UST: variants seen among roughly 807,000 people sequenced by gnomAD.
The protein encoded by UST is uronyl 2-sulfotransferase.
UST carries 21 observed loss-of-function variants against 45.6 expected under a neutral mutation model. The ratio of observed to expected loss-of-function variants is 0.46; its 90% CI spans 0.33 to 0.66. The LOEUF (loss-of-function observed/expected upper bound fraction) is 0.66, where lower values mean the gene tolerates loss of function less well. UST is among the 30% of genes least tolerant of loss of function. The probability of loss-of-function intolerance (pLI) is 0.02; values close to 1 mark genes in which losing one functional copy is unlikely to be tolerated. For synonymous variants in UST, 215 were observed against 200.6 expected (o/e 1.07, Z -0.61); for missense variants, 463 against 512.4 (o/e 0.90, Z 0.93).
chr6:148,932,060 C>T (rs762086051), intron 2 of UST, among the ~76,000 whole-genome samples: 8 of 152,150 alleles, frequency 5.3e-5, no homozygotes, highest in Non-Finnish European at 1.0e-4. Context: ...TCCTATGGAC[C>T]CAACTGCAGT....
At chr6:148,981,873 T>C (rs2114981236) in intron 5 of UST, among the ~76,000 whole-genome samples, 1 of 152,304 alleles carries the variant, frequency 6.6e-6, no homozygotes, top group South Asian at 2.1e-4. Context: ...TATCTGTTTG[T>C]GCTGCTGTAA....
intron 2 of UST, among the ~76,000 whole-genome samples, chr6:148,918,665 G>C (rs982208142): frequency 5.3e-5 from 8 of 152,064 alleles, no homozygotes; most frequent in Admixed American, 1.3e-4. Flanking sequence ...TTTATGATTA[G>C]GCTCCGCCAG....
chr6:148,832,894 A>T (rs917820561), intron 1 of UST, among the ~76,000 whole-genome samples: 1 of 152,220 alleles, frequency 6.6e-6, no homozygotes, highest in African/African-American at 2.4e-5. Flanking sequence ...CAATGCCAAG[A>T]CAGTATTGTA....
chr6:148,949,449 G>T (rs1780321189), intron 3 of UST, among the ~76,000 whole-genome samples: 1 of 148,074 alleles, frequency 6.8e-6, no homozygotes. Context: ...CTTATTCATG[G>T]GGTTCTTGTG....
At chr6:148,773,993 T>C (rs1776482342) in intron 1 of UST, among the ~76,000 whole-genome samples, 3 of 152,204 alleles carry the variant, frequency 2.0e-5, no homozygotes, top group African/African-American at 7.2e-5. Flanking sequence ...CTTATCTGAC[T>C]CTATGCTGGT....
intron 1 of UST, among the ~76,000 whole-genome samples, chr6:148,782,992 G>A (rs1271230438): frequency 2.6e-5 from 4 of 152,170 alleles, no homozygotes; most frequent in Non-Finnish European, 5.9e-5. Context: ...GAAAAGAAGA[G>A]TACATCAATG....
intron 7 of UST, among the ~76,000 whole-genome samples, chr6:149,045,203 T>C (rs3949414): frequency 0.39 from 59,028 of 151,932 alleles, 12,481 homozygotes; most frequent in African/African-American, 0.54. Flanking sequence ...CATTAGCTAT[T>C]TGGGGCTCAG....
At chr6:148,780,776 T>G (rs926417952) in intron 1 of UST, among the ~76,000 whole-genome samples, 9 of 152,246 alleles carry the variant, frequency 5.9e-5, no homozygotes, top group Admixed American at 3.3e-4. Flanking sequence ...TTAGTGCCTC[T>G]GTATCATATT....
At chr6:148,964,045 C>A (rs1342318678) in intron 4 of UST, among the ~76,000 whole-genome samples, 4 of 152,174 alleles carry the variant, frequency 2.6e-5, no homozygotes, top group African/African-American at 9.7e-5. Context: ...TCTGTTCTAG[C>A]CATTGGAAAT....
At chr6:149,058,189 G>GA (rs1401830776) in intron 7 of UST, among the ~76,000 whole-genome samples, 2 of 152,110 alleles carry the variant, frequency 1.3e-5, no homozygotes, top group Admixed American at 1.3e-4. Context: ...AGACCAACAT[G>GA]AAAAAATGAG....
chr6:149,040,603 C>G (rs1776298869), intron 7 of UST, among the ~76,000 whole-genome samples: 1 of 152,126 alleles, frequency 6.6e-6, no homozygotes, highest in Non-Finnish European at 1.5e-5. Flanking sequence ...TGCAGTGAGT[C>G]GAGACCATGC....
At chr6:148,908,099 T>C (rs1582890862) in intron 2 of UST, among the ~76,000 whole-genome samples, 1 of 152,012 alleles carries the variant, frequency 6.6e-6, no homozygotes, top group South Asian at 2.1e-4. Context: ...AGTAGAGATA[T>C]GGTTTCACCA....
At chr6:148,815,084 T>C in intron 1 of UST, among the ~76,000 whole-genome samples, 1 of 152,242 alleles carries the variant, frequency 6.6e-6, no homozygotes, top group Non-Finnish European at 1.5e-5. Flanking sequence ...TGGAATACTA[T>C]GCAGCTATAA....
At chr6:149,022,970 G>C (rs986445920) in intron 7 of UST, among the ~76,000 whole-genome samples, 2 of 152,182 alleles carry the variant, frequency 1.3e-5, no homozygotes, top group Non-Finnish European at 2.9e-5. Flanking sequence ...TGATGTGACT[G>C]ATTTTTATTT....
chr6:149,040,175 A>C (rs1308743620), intron 7 of UST, among the ~76,000 whole-genome samples: 1 of 152,216 alleles, frequency 6.6e-6, no homozygotes, highest in Non-Finnish European at 1.5e-5. Context: ...AAAGTTAAGT[A>C]TTTAATAGCT....
intron 1 of UST, among the ~76,000 whole-genome samples, chr6:148,758,143 G>T (rs1259941208): frequency 1.3e-5 from 2 of 152,154 alleles, no homozygotes; most frequent in South Asian, 2.1e-4. Context: ...ACAGCTGGGG[G>T]AGTATACAGA....
chr6:148,994,774 C>T (rs772012381), intron 5 of UST, among the ~76,000 whole-genome samples: 20 of 152,224 alleles, frequency 1.3e-4, no homozygotes, highest in African/African-American at 4.3e-4. Context: ...TCCTTTTTCC[C>T]GTTTTCCTTG....
rs60813679 is a variant in UST at position 149,034,834 on chromosome 6, TTCTCTC to T, written c.937+13410_937+13415del. Among the ~76,000 whole-genome samples the T allele has an allele frequency of 5.2e-3, 239 of 45,602 alleles. 1 individual carries two copies. The highest frequency in any genetic ancestry group is 0.011 in the East Asian group (15 of 1,316). 29.9% of individuals were successfully genotyped at this position (45,602 alleles called of 152,430 possible). A position where few individuals can be genotyped will look rare whatever the true frequency, so the allele number is the denominator to read the frequency against. ...AGTTTGGTTCTCATATTCATGCTCA[TTCTCTC>T]TCTCTCTCTCTCTCTCTCTCTCTCT... On this transcript the variant is annotated intron_variant, in intron 7 of 7. Transcript: ENST00000367463.
chr6:148,909,069 G>A (rs1019428444), intron 2 of UST, among the ~76,000 whole-genome samples: 2 of 152,138 alleles, frequency 1.3e-5, no homozygotes, highest in Admixed American at 1.3e-4. Context: ...TTACAAGGAT[G>A]TGTTTTCATA....
Sources: gnomAD v4.1 joint callset for allele counts (sites outside exome capture counted in the v4.1 genomes callset) on GRCh38, gnomAD v4.1.1 for gene constraint, MANE v1.5 for transcripts, NCBI Gene and HGNC (gene_info 2026-07-23, HGNC 2026-07-21) for gene names.